FSTL3: variants seen among roughly 807,000 people sequenced by gnomAD.
The protein encoded by FSTL3 is follistatin like 3.
In FSTL3, 21 loss-of-function variants were observed where a neutral mutation model predicts 28.1. The ratio of observed to expected loss-of-function variants is 0.75; its 90% CI spans 0.53 to 1.08. The LOEUF (loss-of-function observed/expected upper bound fraction) is 1.08. Ranked by LOEUF, FSTL3 falls within the 50% of genes least tolerant of loss-of-function variation. The pLI, the probability that FSTL3 is intolerant of heterozygous loss-of-function variation, is 0.00. For missense variants in FSTL3, 400 were observed against 380.9 expected, an observed-to-expected ratio of 1.05 and a Z score of -0.42; for synonymous variants, 199 against 164.2, an observed-to-expected ratio of 1.21 and a Z score of -1.62.
chr19:677,349 TG>T (rs998298433), intron 1 of FSTL3, among the ~76,000 whole-genome samples: 1 of 151,466 alleles, frequency 6.6e-6, no homozygotes, highest in Non-Finnish European at 1.5e-5. Context: ...GGCCAGGCGG[TG>T]GGGGGGCTGC....
In FSTL3 at chr19:682,534, G is replaced by A. The variant is rs1814635383; in HGVS notation, c.*826G>A. ...CTGCCACCATTCCCTGCCAGCCCAA[G>A]AACTCCAGCTTCCCCACTGCCTCTG... is the stretch of plus-strand genomic sequence containing the variant. On this transcript the variant is annotated 3_prime_UTR_variant, in exon 5 of 5. Transcript: ENST00000166139. 8.6e-6 allele frequency: 2 copies of A among 233,902 alleles called. No homozygotes were observed. The highest frequency in any genetic ancestry group is 1.7e-5 in the Non-Finnish European group (2 of 118,534). The allele number at this position is 233,902 out of a possible 1,614,324, so 14.5% of individuals were successfully genotyped here. A position where few individuals can be genotyped will look rare whatever the true frequency, so the allele number is the denominator to read the frequency against.
intron 3 of FSTL3, 51 bp from the exon 4 acceptor site, chr19:681,282 G>A (rs1427896823): frequency 2.3e-6 from 3 of 1,333,130 alleles, no homozygotes; most frequent in African/African-American, 1.5e-5. Flanking sequence ...AGAGCCCTGC[G>A]GGGTTCTCAG....
rs2031304449 is a variant in FSTL3 at position 680,456 on chromosome 19, G to C, written c.472G>C (p.Asp158His). The C allele has an allele frequency of 3.2e-6, 4 of 1,260,240 alleles. No individual in the cohort carries two copies. The highest frequency in any genetic ancestry group is 3.0e-6 in the Non-Finnish European group (3 of 1,004,358). The allele number at this position is 1,260,240 out of a possible 1,614,324, so 78.1% of individuals were successfully genotyped here. A position where few individuals can be genotyped will look rare whatever the true frequency, so the allele number is the denominator to read the frequency against. ...CGCCGCGCGCTGCCGCGGCCACCCG[G>C]ACCTGAGCGTCATGTACCGGGGCCG... is the stretch of plus-strand genomic sequence containing the variant. ...LRAARCRGHP[D>H]LSVMYRGRCR... The change falls in exon 3 of 5, where the codon GAC becomes CAC. Residue 158 changes from aspartate to histidine, a missense_variant. Coordinates refer to ENST00000166139, the MANE Select transcript of FSTL3 (RefSeq NM_005860.3).
At position 682,191 on chromosome 19, in the gene FSTL3, AGCCTGGGTGAGTACGGAGGG is replaced by A. The variant is rs1319585271; in HGVS notation, c.*484_*503del. 66 of 313,530 alleles carry A rather than the reference AGCCTGGGTGAGTACGGAGGG, an allele frequency of 2.1e-4. No homozygotes were observed. The highest frequency in any genetic ancestry group is 3.3e-4 in the South Asian group (7 of 20,900). 19.4% of individuals were successfully genotyped at this position (313,530 alleles called of 1,614,324 possible). A position where few individuals can be genotyped will look rare whatever the true frequency, so the allele number is the denominator to read the frequency against. Reference sequence around the variant, plus strand: ...TAGCCTGGGTGAGTACGGAGGGTCTAGCCTGGGTGAGTACGGAGGGTCTAGCCTGGGTGAGTACGGAGGGT... The same window carrying A: ...TAGCCTGGGTGAGTACGGAGGGTCTATCTAGCCTGGGTGAGTACGGAGGGT... On this transcript the variant is annotated 3_prime_UTR_variant, in exon 5 of 5. Transcript: ENST00000166139.
rs1211153428 is a variant in FSTL3 at position 682,803 on chromosome 19, C to T, written c.*1095C>T. On this transcript the variant is annotated 3_prime_UTR_variant, in exon 5 of 5. Coordinates refer to ENST00000166139, the MANE Select transcript of FSTL3 (RefSeq NM_005860.3). ...CAAGTCCACTCTGGGGGAGCTCTGGCGGGGACCACGGGCCACTGCTCACCC... is the reference window on the plus strand; with the variant it reads ...CAAGTCCACTCTGGGGGAGCTCTGGTGGGGACCACGGGCCACTGCTCACCC... The T allele has an allele frequency of 1.7e-5, 4 of 233,028 alleles. No homozygotes were observed. Among genetic ancestry groups the T allele is most frequent in the Non-Finnish European group, 3.4e-5 (4 of 117,920 alleles). The allele number at this position is 233,028 out of a possible 1,614,324, so 14.4% of individuals were successfully genotyped here.
intron 3 of FSTL3, 49 bp from the exon 4 acceptor site, chr19:681,284 G>A: frequency 1.5e-6 from 2 of 1,347,902 alleles, no homozygotes; most frequent in Non-Finnish European, 2.0e-6. Context: ...AGCCCTGCGG[G>A]GTTCTCAGCG....
rs926402986 is a variant in FSTL3 at position 682,565 on chromosome 19, C to G, written c.*857C>G. 1.3e-5 allele frequency: 3 copies of G among 233,642 alleles called. No individual in the cohort carries two copies. Among genetic ancestry groups the G allele is most frequent in the African/African-American group, 6.6e-5 (3 of 45,318 alleles). The allele number at this position is 233,642 out of a possible 1,614,324, so 14.5% of individuals were successfully genotyped here. ...CAGCTTCCCCACTGCCTCTGTGTGC[C>G]CCTTTGCGTCCTGTGAAGGCCATTG... On this transcript the variant is annotated 3_prime_UTR_variant, in exon 5 of 5. Transcript: ENST00000166139.
rs1030737059 is a variant in FSTL3, at chr19:681,651, C to T, written c.735C>T (p.Gly245=). The change falls in exon 5 of 5, where the codon GGC becomes GGT. Residue 245 remains glycine (G), a splice_region_variant and synonymous_variant. Transcript: ENST00000166139. ...IGVRHAGSCA[G]TPEEPPGGES... is the part of the protein sequence containing the mutation. ...CAATGCTCTTATCGACCCTTGCAGG[C>T]ACCCCTGAGGAGCCGCCAGGTGGTG... is the stretch of plus-strand genomic sequence containing the variant. The T allele has an allele frequency of 1.9e-6, 3 of 1,579,532 alleles. No individual in the cohort carries two copies. The highest frequency in any genetic ancestry group is 1.1e-5 in the South Asian group (1 of 87,566).
intron 3 of FSTL3, among the ~76,000 whole-genome samples, 194 bp from the exon 4 acceptor site, chr19:681,139 G>A (rs991007426): frequency 1.4e-5 from 2 of 146,384 alleles, no homozygotes; most frequent in Admixed American, 6.7e-5. Context: ...TGGGTACAAT[G>A]GGAAGGGCAG....
At chr19:677,202 C>A (rs976255638) in intron 1 of FSTL3, among the ~76,000 whole-genome samples, 1 of 152,294 alleles carries the variant, frequency 6.6e-6, no homozygotes, top group East Asian at 1.9e-4. Context: ...GCTCCCCACC[C>A]CCCATCCCTG....
At chr19:678,499 G>GTTTTTT (rs746126061) in intron 2 of FSTL3, among the ~76,000 whole-genome samples, 1 of 91,232 alleles carries the variant, frequency 1.1e-5, no homozygotes, top group Non-Finnish European at 2.3e-5. Flanking sequence ...GAGGATGATG[G>GTTTTTT]TTTTTTTTTT....
At chr19:680,250 C>A in intron 2 of FSTL3, 24 bp from the exon 3 acceptor site, 1 of 1,327,682 alleles carries the variant, frequency 7.5e-7, no homozygotes, top group Non-Finnish European at 9.6e-7. Flanking sequence ...CGCCCGGCCC[C>A]ACGCGCGTGT....
chr19:676,467 G>C lies in FSTL3; in HGVS notation c.44G>C (p.Gly15Ala). 8.3e-7 allele frequency: 1 copy of C among 1,209,334 alleles called. No individual in the cohort carries two copies. The highest frequency in any genetic ancestry group is 1.0e-6 in the Non-Finnish European group (1 of 971,036). The allele number at this position is 1,209,334 out of a possible 1,614,324, so 74.9% of individuals were successfully genotyped here. A position where few individuals can be genotyped will look rare whatever the true frequency, so the allele number is the denominator to read the frequency against. ...GGGCCACTCTGGCCTCTGCCCTGGG[G>C]GGCCCTGGCTTGGGCCGTGGGCTTC... ...APGPLWPLPW[G>A]ALAWAVGFVS... is the part of the protein sequence containing the mutation. The change falls in exon 1 of 5, where the codon GGG (glycine) becomes GCG (alanine). Residue 15 changes from glycine (G) to alanine (A), a missense_variant. Transcript: ENST00000166139.
chr19:681,791 A>G lies in FSTL3; in HGVS notation c.*83A>G. 1 of 1,206,378 alleles carries G rather than the reference A, an allele frequency of 8.3e-7. No homozygotes were observed. The highest frequency in any genetic ancestry group is 1.3e-5 in the South Asian group (1 of 76,902). The allele number at this position is 1,206,378 out of a possible 1,614,324, so 74.7% of individuals were successfully genotyped here. ...ATTGCCACAGCAGAGTCTAATTTAT[A>G]TGCCACGGACACTCCTTAGAGCCCG... is the stretch of plus-strand genomic sequence containing the variant. On this transcript the variant is annotated 3_prime_UTR_variant, in exon 5 of 5. Coordinates refer to ENST00000166139, the MANE Select transcript of FSTL3 (RefSeq NM_005860.3).
intron 2 of FSTL3, chr19:678,179 G>A: frequency 1.7e-6 from 1 of 578,488 alleles, no homozygotes; most frequent in East Asian, 2.9e-5. Context: ...CAGGACTCAG[G>A]AAGAGACCAC....
chr19:681,992 G>T lies in FSTL3; in HGVS notation c.*284G>T. 1 of 542,846 alleles carries T rather than the reference G, an allele frequency of 1.8e-6. No individual in the cohort carries two copies. 33.6% of individuals were successfully genotyped at this position (542,846 alleles called of 1,614,324 possible). ...CCCCTACCCTAAGACCTATTGCCGG[G>T]GAGGATTCCACACTTCCGCTCCTTT... On this transcript the variant is annotated 3_prime_UTR_variant, in exon 5 of 5. Transcript: ENST00000166139.
chr19:679,741 T>C (rs937160464), intron 2 of FSTL3, among the ~76,000 whole-genome samples: 1 of 152,060 alleles, frequency 6.6e-6, no homozygotes, highest in Admixed American at 6.5e-5. Context: ...GGCCTAGGGC[T>C]GTGGGGGGCC....
At chr19:679,436 C>T (rs1568202927) in intron 2 of FSTL3, among the ~76,000 whole-genome samples, 1 of 152,214 alleles carries the variant, frequency 6.6e-6, no homozygotes, top group Non-Finnish European at 1.5e-5. Flanking sequence ...GGCACATAAA[C>T]TCAACAGCTG....
Position 681,323 on chromosome 19 carries a change from C to T in FSTL3, c.506-10C>T, listed in dbSNP as rs1408301675. ...TGTCCCCTGAACTTCCCCTGGCACCCGGCCTGCAGAGTCCTGTGAGCACGT... is the reference window on the plus strand; with the variant it reads ...TGTCCCCTGAACTTCCCCTGGCACCTGGCCTGCAGAGTCCTGTGAGCACGT... On this transcript the variant is annotated splice_polypyrimidine_tract_variant and intron_variant, in intron 3 of 4. Coordinates refer to ENST00000166139, the MANE Select transcript of FSTL3 (RefSeq NM_005860.3). 3 of 1,535,700 alleles carry T rather than the reference C, an allele frequency of 2.0e-6. No individual in the cohort carries two copies. Among genetic ancestry groups the T allele is most frequent in the Non-Finnish European group, 2.6e-6 (3 of 1,144,312 alleles).
Sources: allele counts gnomAD v4.1 joint callset (sites outside exome capture counted in the v4.1 genomes callset), GRCh38; gene constraint gnomAD v4.1.1; transcripts MANE v1.5; gene names NCBI Gene and HGNC (gene_info 2026-07-23, HGNC 2026-07-21).